FAM91A1: variants seen among roughly 807,000 people sequenced by gnomAD.
FAM91A1 encodes the protein family with sequence similarity 91 member A1.
A neutral mutation model predicts 113.5 loss-of-function variants in FAM91A1; 41 were observed. The ratio of observed to expected loss-of-function variants is 0.36; its 90% CI spans 0.28 to 0.47. The LOEUF is 0.47. FAM91A1 is among the 20% of genes least tolerant of loss of function. The pLI is 1.00. For missense variants in FAM91A1, 696 were observed against 1,001.2 expected, an observed-to-expected ratio of 0.70 and a Z score of 4.11; for synonymous variants, 307 against 347.9, an observed-to-expected ratio of 0.88 and a Z score of 1.31.
intron 14 of FAM91A1, among the ~76,000 whole-genome samples, chr8:123,788,567 G>A (rs1476181109): frequency 3.3e-5 from 5 of 151,354 alleles, no homozygotes; most frequent in Non-Finnish European, 7.4e-5. Flanking sequence ...ATAATCCTTT[G>A]CTATTAATTG....
At chr8:123,784,243 TC>T (rs1461629484) in intron 8 of FAM91A1, among the ~76,000 whole-genome samples, 1 of 152,222 alleles carries the variant, frequency 6.6e-6, no homozygotes, top group African/African-American at 2.4e-5. Flanking sequence ...AACTCTGAGT[TC>T]CATGGTGAAT....
chr8:123,799,109 G>A (rs185526455), intron 16 of FAM91A1, among the ~76,000 whole-genome samples: 117 of 152,272 alleles, frequency 7.7e-4, no homozygotes, highest in African/African-American at 2.0e-3. Flanking sequence ...GATAATAATA[G>A]CTAATACTTT....
chr8:123,799,503 CTG>C lies in FAM91A1; in HGVS notation c.1561-15_1561-14del. On this transcript the variant is annotated splice_polypyrimidine_tract_variant and intron_variant, in intron 16 of 23. Coordinates refer to ENST00000334705, the MANE Select transcript of FAM91A1 (RefSeq NM_144963.4). Reference sequence around the variant, plus strand: ...ACACTTTATTTTAACTTTATCTTAACTGTTTTATGATTGTAGCATATTGGACC... The same window carrying C: ...ACACTTTATTTTAACTTTATCTTAACTTTTATGATTGTAGCATATTGGACC... The C allele has an allele frequency of 1.9e-6, 3 of 1,602,242 alleles. No homozygotes were observed. The highest frequency in any genetic ancestry group is 2.6e-6 in the Non-Finnish European group (3 of 1,176,462).
At chr8:123,770,541 T>C (rs543068258) in intron 1 of FAM91A1, among the ~76,000 whole-genome samples, 5 of 152,310 alleles carry the variant, frequency 3.3e-5, no homozygotes, top group East Asian at 3.9e-4. Flanking sequence ...TTTTGTACTT[T>C]AGGGTTTTGT....
At chr8:123,771,576 TA>T (rs948605584) in intron 1 of FAM91A1, among the ~76,000 whole-genome samples, 2 of 152,198 alleles carry the variant, frequency 1.3e-5, no homozygotes, top group Admixed American at 1.3e-4. Flanking sequence ...AAAAAATATA[TA>T]AAAAATTGTG....
Position 123,812,701 on chromosome 8 carries a change from A to T in FAM91A1, c.2514A>T (p.Gln838His). 6.3e-7 allele frequency: 1 copy of T among 1,575,368 alleles called. No homozygotes were observed. Among genetic ancestry groups the T allele is most frequent in the Non-Finnish European group, 8.6e-7 (1 of 1,164,654 alleles). The stretch of plus-strand genomic sequence containing the variant: ...TTCTTATTGCTAATCTCCATTTGCA[A>T]TAATTTGGTTACACCATTTGTTGCT... ...SSLLIANLHLQ is the reference protein window; with the variant it reads ...SSLLIANLHLH Residue 838 changes from glutamine (Q) to histidine (H), a missense_variant, in exon 24 of 24, where the codon CAA becomes CAT. Gln to His is a conservative substitution (Grantham distance 24). Coordinates refer to ENST00000334705, the MANE Select transcript of FAM91A1 (RefSeq NM_144963.4).
rs765803116 is a variant in FAM91A1 at position 123,781,585 on chromosome 8, C to T, written c.703+1043C>T. ...CTCTGCCTCCTGGGTTCAAGCGATT[C>T]TCCTGCCTCAGTCTCCCGAATAGCT... On this transcript the variant is annotated intron_variant, in intron 8 of 23. Coordinates refer to ENST00000334705, the MANE Select transcript of FAM91A1 (RefSeq NM_144963.4). Among the ~76,000 whole-genome samples the T allele has an allele frequency of 2.6e-4, 38 of 148,874 alleles. 2 individuals carry two copies. The highest frequency in any genetic ancestry group is 6.3e-4 in the South Asian group (3 of 4,728).
intron 23 of FAM91A1, 138 bp from the exon 24 acceptor site, chr8:123,812,381 T>A: frequency 1.6e-6 from 1 of 622,836 alleles, no homozygotes; most frequent in Non-Finnish European, 2.7e-6. Flanking sequence ...GCTCACAGTG[T>A]AGATCTTTGC....
intron 18 of FAM91A1, among the ~76,000 whole-genome samples, chr8:123,804,221 C>T (rs1232322182): frequency 6.7e-6 from 1 of 150,326 alleles, no homozygotes; most frequent in Non-Finnish European, 1.5e-5. Context: ...CGCGGTGGCT[C>T]ACACCTGTAA....
chr8:123,795,621 A>G (rs188283489), intron 15 of FAM91A1, among the ~76,000 whole-genome samples: 25 of 152,298 alleles, frequency 1.6e-4, no homozygotes, highest in African/African-American at 5.8e-4. Flanking sequence ...TTTCTTCATA[A>G]ATTACGCAGT....
At chr8:123,788,088 C>G (rs1481799418) in intron 14 of FAM91A1, 1 of 698,878 alleles carries the variant, frequency 1.4e-6, no homozygotes, top group Non-Finnish European at 1.8e-6. Context: ...TGGTATGACT[C>G]TCTAAGATCA....
Position 123,780,091 on chromosome 8 carries a change from A to G in FAM91A1, c.640+16A>G, listed in dbSNP as rs377593668. ...GTAGTACATAGTAAGTGGTTAGTAGAAATGGTCTTTTGTCAACATAAAAAC... is the reference window on the plus strand; with the variant it reads ...GTAGTACATAGTAAGTGGTTAGTAGGAATGGTCTTTTGTCAACATAAAAAC... On this transcript the variant is annotated intron_variant, in intron 7 of 23. Coordinates refer to ENST00000334705, the MANE Select transcript of FAM91A1 (RefSeq NM_144963.4). 34 of 1,599,036 alleles carry G rather than the reference A, an allele frequency of 2.1e-5. No homozygotes were observed. Among genetic ancestry groups the G allele is most frequent in the African/African-American group, 2.7e-5 (2 of 74,296 alleles).
At chr8:123,805,970 G>T in intron 19 of FAM91A1, 110 bp from the exon 20 acceptor site, 1 of 1,036,280 alleles carries the variant, frequency 9.6e-7, no homozygotes, top group Non-Finnish European at 1.3e-6. Context: ...CAATTATGAT[G>T]TATTAAAGTA....
intron 15 of FAM91A1, among the ~76,000 whole-genome samples, chr8:123,790,774 C>G (rs528200691): frequency 6.6e-6 from 1 of 152,294 alleles, no homozygotes; most frequent in South Asian, 2.1e-4. Context: ...AAGTGATTCA[C>G]TTCTGCAGCC....
Position 123,784,497 on chromosome 8 carries a change from A to G in FAM91A1, c.731A>G (p.Asn244Ser). Reference sequence around the variant, plus strand: ...CCACCTCTTGAAGGTTTTGTAATGAATCGAGTGCAAGGTGATTATTTTGAA... The same window carrying G: ...CCACCTCTTGAAGGTTTTGTAATGAGTCGAGTGCAAGGTGATTATTTTGAA... ...AVPPLEGFVM[N>S]RVQGDYFETL... Residue 244 changes from asparagine (N) to serine (S), a missense_variant, in exon 9 of 24, where the codon AAT (asparagine) becomes AGT (serine). Transcript: ENST00000334705. 1 of 1,606,360 alleles carries G rather than the reference A, an allele frequency of 6.2e-7. No homozygotes were observed. Among genetic ancestry groups the G allele is most frequent in the Non-Finnish European group, 8.5e-7 (1 of 1,177,276 alleles).
chr8:123,768,785 A>C lies in FAM91A1; in HGVS notation c.72+11A>C. ...GCCAACGTGAGACAGGTACGGCCGG[A>C]ACCTGGGACCGGGCCCCTGACGGAT... On this transcript the variant is annotated intron_variant, in intron 1 of 23. Coordinates refer to ENST00000334705, the MANE Select transcript of FAM91A1 (RefSeq NM_144963.4). 3 of 1,610,082 alleles carry C rather than the reference A, an allele frequency of 1.9e-6. No homozygotes were observed. The highest frequency in any genetic ancestry group is 8.5e-7 in the Non-Finnish European group (1 of 1,178,248).
intron 8 of FAM91A1, among the ~76,000 whole-genome samples, chr8:123,782,544 A>C (rs1417656330): frequency 6.6e-6 from 1 of 152,206 alleles, no homozygotes; most frequent in Non-Finnish European, 1.5e-5. Flanking sequence ...CAAATTTTCT[A>C]ACTGTATTTT....
rs1308054603 is a variant in FAM91A1 at position 123,810,538 on chromosome 8, AG to A, written c.2331+188del. ...CACATTTCACTCGCCAGGTCTTCGGAGACCAAAGCTTGATCTCTTTGTTCTG... is the reference window on the plus strand; with the variant it reads ...CACATTTCACTCGCCAGGTCTTCGGAACCAAAGCTTGATCTCTTTGTTCTG... On this transcript the variant is annotated intron_variant, in intron 23 of 23. Coordinates refer to ENST00000334705, the MANE Select transcript of FAM91A1 (RefSeq NM_144963.4). The A allele has an allele frequency of 4.0e-5, 27 of 676,732 alleles. No homozygotes were observed. In the Admixed American group the frequency reaches 6.2e-4, roughly 16 times the overall value. The allele number at this position is 676,732 out of a possible 1,614,324, so 41.9% of individuals were successfully genotyped here.
chr8:123,780,292 T>C (rs1386094973), intron 7 of FAM91A1, among the ~76,000 whole-genome samples, 188 bp from the exon 8 acceptor site: 1 of 152,222 alleles, frequency 6.6e-6, no homozygotes, highest in Non-Finnish European at 1.5e-5. Context: ...AAAAATTTTG[T>C]ACTTCAGAGT....
Sources: gnomAD v4.1 joint callset for allele counts (sites outside exome capture counted in the v4.1 genomes callset) on GRCh38, gnomAD v4.1.1 for gene constraint, MANE v1.5 for transcripts, NCBI Gene and HGNC (gene_info 2026-07-23, HGNC 2026-07-21) for gene names.